The following RAD51B variants were observed in gnomAD, a reference collection of about 807,000 sequenced individuals.
RAD51B encodes the protein RAD51 paralog B.
A neutral mutation model predicts 42.2 loss-of-function variants in RAD51B; 38 were observed. The ratio of observed to expected loss-of-function variants is 0.90; its 90% CI spans 0.70 to 1.18. RAD51B has a LOEUF of 1.18. Among genes scored for constraint, RAD51B ranks in the 50% most tolerant of loss-of-function variants. RAD51B has a pLI of 0.00. For missense variants in RAD51B, 373 were observed against 400.7 expected (o/e 0.93, Z 0.59); for synonymous variants, 154 against 145.2 (o/e 1.06, Z -0.43).
chr14:68,134,970 A>G (rs887996517), intron 7 of RAD51B, among the ~76,000 whole-genome samples: 1 of 152,166 alleles, frequency 6.6e-6, no homozygotes, highest in African/African-American at 2.4e-5. Context: ...TTAATATTTT[A>G]AGGAATGAAG....
At chr14:68,456,140 A>G (rs2085681030) in intron 9 of RAD51B, among the ~76,000 whole-genome samples, 1 of 152,244 alleles carries the variant, frequency 6.6e-6, no homozygotes. Context: ...AGAATGCAGT[A>G]ATGACAGAAG....
intron 9 of RAD51B, among the ~76,000 whole-genome samples, chr14:68,449,531 C>T (rs1428689577): frequency 6.6e-6 from 1 of 152,064 alleles, no homozygotes; most frequent in Non-Finnish European, 1.5e-5. Context: ...CTCCAGATCA[C>T]CAAATAAAAA....
At chr14:68,511,471 T>C (rs1353090109) in intron 10 of RAD51B, among the ~76,000 whole-genome samples, 1 of 152,246 alleles carries the variant, frequency 6.6e-6, no homozygotes, top group Non-Finnish European at 1.5e-5. Flanking sequence ...TAAGCCCGTA[T>C]TATCTGATAA....
intron 8 of RAD51B, among the ~76,000 whole-genome samples, chr14:68,389,170 A>G (rs937218031): frequency 6.6e-6 from 1 of 152,216 alleles, no homozygotes; most frequent in Non-Finnish European, 1.5e-5. Context: ...ATCGTAGTGT[A>G]TAGCTCCATG....
intron 7 of RAD51B, among the ~76,000 whole-genome samples, chr14:67,938,272 C>A (rs988783792): frequency 6.6e-6 from 1 of 152,194 alleles, no homozygotes; most frequent in African/African-American, 2.4e-5. Flanking sequence ...GGCTTAAATT[C>A]TTCAGGCACT....
intron 7 of RAD51B, chr14:68,130,253 G>C (rs888052832): frequency 6.6e-6 from 1 of 152,222 alleles, no homozygotes; most frequent in African/African-American, 2.4e-5. Context: ...TGACTCAAGT[G>C]TTCCTGGTCT....
chr14:68,261,210 A>C (rs1281938702), intron 7 of RAD51B, among the ~76,000 whole-genome samples: 3 of 152,238 alleles, frequency 2.0e-5, no homozygotes, highest in Non-Finnish European at 2.9e-5. Context: ...ATTGGCCCGC[A>C]GTTTTTACCG....
chr14:68,540,723 G>A, intron 10 of RAD51B: 3 of 985,428 alleles, frequency 3.0e-6, no homozygotes, highest in Non-Finnish European at 3.6e-6. Flanking sequence ...GAGAGGGTGG[G>A]TTTAAGGGTA....
intron 7 of RAD51B, among the ~76,000 whole-genome samples, chr14:68,291,255 A>G (rs2081511387): frequency 1.3e-5 from 2 of 151,744 alleles, no homozygotes; most frequent in Non-Finnish European, 2.9e-5. Context: ...CTAGAGTGCA[A>G]TGGTGCAATC....
At chr14:68,118,577 TGCA>T (rs2077589337) in intron 7 of RAD51B, among the ~76,000 whole-genome samples, 1 of 152,256 alleles carries the variant, frequency 6.6e-6, no homozygotes, top group African/African-American at 2.4e-5. Flanking sequence ...TTATGCAGAT[TGCA>T]GCAATAAGAA....
chr14:68,367,905 A>G (rs559598957), intron 8 of RAD51B, among the ~76,000 whole-genome samples: 1 of 152,226 alleles, frequency 6.6e-6, no homozygotes, highest in South Asian at 2.1e-4. Flanking sequence ...TTTGACAACT[A>G]TTTTTATGGC....
chr14:68,680,398 C>T (rs914044496), intron 11 of RAD51B, among the ~76,000 whole-genome samples: 1 of 152,140 alleles, frequency 6.6e-6, no homozygotes, highest in African/African-American at 2.4e-5. Context: ...TGATAGTAAA[C>T]TGTAGTTTAA....
At chr14:67,964,112 C>A (rs1417077032) in intron 7 of RAD51B, among the ~76,000 whole-genome samples, 1 of 151,836 alleles carries the variant, frequency 6.6e-6, no homozygotes, top group Admixed American at 6.6e-5. Flanking sequence ...CAATGATGGG[C>A]AAACAAGATG....
chr14:68,428,667 T>G (rs895631107), intron 9 of RAD51B, among the ~76,000 whole-genome samples: 58 of 144,848 alleles, frequency 4.0e-4, no homozygotes, highest in African/African-American at 1.5e-3. Context: ...TAGCATAATG[T>G]CCCCCAGGTT....
chr14:68,088,435 C>T (rs760028705), intron 7 of RAD51B, among the ~76,000 whole-genome samples: 2 of 151,996 alleles, frequency 1.3e-5, no homozygotes. Context: ...GTTTCAACCT[C>T]TCTTTCTTTC....
chr14:68,140,508 TAA>T (rs1361824134), intron 7 of RAD51B, among the ~76,000 whole-genome samples: 1 of 152,246 alleles, frequency 6.6e-6, no homozygotes, highest in Non-Finnish European at 1.5e-5. Flanking sequence ...CATTGGTTTT[TAA>T]AGAGTTTTAA....
chr14:68,087,875 TTTATATAA>T (rs1006996873), intron 7 of RAD51B, among the ~76,000 whole-genome samples: 1 of 81,172 alleles, frequency 1.2e-5, no homozygotes, highest in African/African-American at 6.9e-5. Context: ...TAATATATTA[TTTATATAA>T]TTATATAATA....
intron 10 of RAD51B, chr14:68,650,700 C>A: frequency 1.5e-6 from 1 of 687,702 alleles, no homozygotes; most frequent in Non-Finnish European, 2.6e-6. Context: ...GGCCTATCAC[C>A]CTTTAAGAAA....
chr14:68,431,246 G>C (rs1424369971), intron 9 of RAD51B, among the ~76,000 whole-genome samples: 3 of 151,932 alleles, frequency 2.0e-5, no homozygotes, highest in South Asian at 2.1e-4. Context: ...GCTTTGGTAT[G>C]TGGATGATGC....
Sources: allele counts gnomAD v4.1 joint callset (sites outside exome capture counted in the v4.1 genomes callset), GRCh38; gene constraint gnomAD v4.1.1; transcripts MANE v1.5; gene names NCBI Gene and HGNC (gene_info 2026-07-23, HGNC 2026-07-21).